XAF1: variants seen among roughly 807,000 people sequenced by gnomAD.
The protein encoded by XAF1 is XIAP-associated factor 1.
XAF1 carries 32 observed loss-of-function variants against 32.3 expected under a neutral mutation model. That is an observed-to-expected ratio of 0.99 (90% CI 0.75 to 1.33). The LOEUF is 1.33. Among genes scored for constraint, XAF1 ranks in the 40% most tolerant of loss-of-function variants. The pLI is 0.00. For missense variants in XAF1, 379 were observed against 366.0 expected (o/e 1.04, Z -0.29); for synonymous variants, 120 against 125.9 (o/e 0.95, Z 0.31).
chr17:6,773,348 G>A lies in XAF1; in HGVS notation c.*179G>A. 1.9e-6 allele frequency: 1 copy of A among 518,246 alleles called. No homozygotes were observed. 32.1% of individuals were successfully genotyped at this position (518,246 alleles called of 1,614,324 possible). A position where few individuals can be genotyped will look rare whatever the true frequency, so the allele number is the denominator to read the frequency against. ...GTATCATCTCAATAGATACAGAAAA[G>A]GCTTTTGATAAAATTCAACTTGACT... On this transcript the variant is annotated 3_prime_UTR_variant, in exon 7 of 7. Coordinates refer to ENST00000361842, the MANE Select transcript of XAF1 (RefSeq NM_017523.5).
intron 5 of XAF1, among the ~76,000 whole-genome samples, chr17:6,769,543 C>A (rs1477150725): frequency 6.6e-6 from 1 of 151,986 alleles, no homozygotes; most frequent in Non-Finnish European, 1.5e-5. Flanking sequence ...GTTGCATTAC[C>A]TGAACTTCTT....
intron 1 of XAF1, among the ~76,000 whole-genome samples, chr17:6,757,163 G>A (rs1005920139): frequency 7.9e-5 from 12 of 152,004 alleles, no homozygotes; most frequent in African/African-American, 2.4e-4. Context: ...CGCCATGCCC[G>A]GCTAATTTTG....
rs1320017711 is a variant in XAF1 at position 6,760,431 on chromosome 17, TTGAG to T, written c.254_257del (p.Glu85ValfsTer74). 3.1e-6 allele frequency: 5 copies of T among 1,611,940 alleles called. No homozygotes were observed. In the African/African-American group the frequency reaches 6.7e-5, roughly 22 times the overall value. ...GCCAATGAGTGCCAGGAGCGCCCTG[TTGAG>T]TGTAAGTTCTGCAAACTGGACATGC... On this transcript the variant is annotated frameshift_variant, in exon 4 of 7. Transcript: ENST00000361842. LOFTEE classifies it high-confidence loss of function.
At chr17:6,756,955 G>A (rs1974726384) in intron 1 of XAF1, among the ~76,000 whole-genome samples, 1 of 151,676 alleles carries the variant, frequency 6.6e-6, no homozygotes, top group Non-Finnish European at 1.5e-5. Flanking sequence ...AGCAAGAGCT[G>A]ATGGAAATGA....
intron 5 of XAF1, among the ~76,000 whole-genome samples, chr17:6,766,894 T>C (rs1975662512): frequency 6.6e-6 from 1 of 152,170 alleles, no homozygotes; most frequent in African/African-American, 2.4e-5. Context: ...TCTTCCACTC[T>C]CTCCACGGTT....
In XAF1 at chr17:6,757,759, A is replaced by C. The variant is rs191397657; in HGVS notation, c.33-330A>C. Reference sequence around the variant, plus strand: ...GTTTTGGCCTAAGTTATATACATCCATGAAACACCATCCCCGTAATTGAGA... The same window carrying C: ...GTTTTGGCCTAAGTTATATACATCCCTGAAACACCATCCCCGTAATTGAGA... On this transcript the variant is annotated intron_variant, in intron 1 of 6. Coordinates refer to ENST00000361842, the MANE Select transcript of XAF1 (RefSeq NM_017523.5). 3.1e-4 allele frequency among the ~76,000 whole-genome samples: 44 copies of C among 141,868 alleles called. No individual in the cohort carries two copies. The East Asian group carries it at 8.4e-3, about 27-fold the overall frequency. 93.1% of individuals were successfully genotyped at this position (141,868 alleles called of 152,430 possible). A position where few individuals can be genotyped will look rare whatever the true frequency, so the allele number is the denominator to read the frequency against.
At chr17:6,765,032 TG>T (rs1384703484) in intron 5 of XAF1, among the ~76,000 whole-genome samples, 4 of 152,192 alleles carry the variant, frequency 2.6e-5, no homozygotes, top group Non-Finnish European at 5.9e-5. Context: ...CTCTTAATTT[TG>T]GGGGGCCCCA....
chr17:6,761,626 G>C (rs1053014072), intron 4 of XAF1: 1 of 317,514 alleles, frequency 3.1e-6, no homozygotes, highest in Non-Finnish European at 5.8e-6. Context: ...CTGGCCAATG[G>C]AAACCTGGAA....
chr17:6,758,025 C>T (rs1227720690), intron 1 of XAF1, 64 bp from the exon 2 acceptor site: 1 of 1,606,576 alleles, frequency 6.2e-7, no homozygotes, highest in East Asian at 2.2e-5. Flanking sequence ...GTATGAAATA[C>T]AGCTCCATGT....
chr17:6,759,121 A>T lies in XAF1; in HGVS notation c.169-541A>T, dbSNP rs971176812. On this transcript the variant is annotated intron_variant, in intron 2 of 6. Coordinates refer to ENST00000361842, the MANE Select transcript of XAF1 (RefSeq NM_017523.5). Reference sequence around the variant, plus strand: ...GGCAAGGGTCCAGTCCCCCAGGCAGAGACTCACTTGAGGGCCATGGGAAGT... The same window carrying T: ...GGCAAGGGTCCAGTCCCCCAGGCAGTGACTCACTTGAGGGCCATGGGAAGT... 8 of 1,015,388 alleles carry T rather than the reference A, an allele frequency of 7.9e-6. No individual in the cohort carries two copies. The African/African-American group carries it at 1.4e-4, about 18-fold the overall frequency. 62.9% of individuals were successfully genotyped at this position (1,015,388 alleles called of 1,614,324 possible).
chr17:6,756,298 C>A, intron 1 of XAF1, 188 bp downstream of exon 1: 5 of 1,377,362 alleles, frequency 3.6e-6, no homozygotes, highest in South Asian at 1.5e-5. Context: ...TGGGGGTGGG[C>A]AGCATTACCT....
At chr17:6,767,720 A>C (rs1157305711) in intron 5 of XAF1, among the ~76,000 whole-genome samples, 1 of 146,680 alleles carries the variant, frequency 6.8e-6, no homozygotes, top group African/African-American at 2.7e-5. Flanking sequence ...TGCATTTACC[A>C]CTCTTGTTCA....
chr17:6,755,708 A>C, upstream of XAF1: 2 of 1,060,414 alleles, frequency 1.9e-6, 1 homozygote, highest in South Asian at 6.7e-5. Context: ...ATGGGGGAGA[A>C]GGGTGGGAGG....
chr17:6,769,668 G>A (rs1478375028), intron 5 of XAF1, among the ~76,000 whole-genome samples: 1 of 152,104 alleles, frequency 6.6e-6, no homozygotes, highest in East Asian at 1.9e-4. Context: ...TACCTATGAG[G>A]ATCCTCTATG....
At chr17:6,755,698 A>G (rs1974606451), upstream of XAF1, 1 of 1,051,340 alleles carries the variant, frequency 9.5e-7, no homozygotes, top group African/African-American at 1.6e-5. Context: ...GGAGCCGGAG[A>G]TGGGGGAGAA....
chr17:6,765,690 T>TAAGAG, intron 5 of XAF1, among the ~76,000 whole-genome samples: 1 of 152,198 alleles, frequency 6.6e-6, no homozygotes, highest in Non-Finnish European at 1.5e-5. Flanking sequence ...TCGACTTCTC[T>TAAGAG]TTCCCTCCGC....
chr17:6,759,626 T>G, intron 2 of XAF1, 36 bp from the exon 3 acceptor site: 1 of 1,599,908 alleles, frequency 6.3e-7, no homozygotes, highest in Non-Finnish European at 8.5e-7. Context: ...TGGACCCACA[T>G]CTGGTGTGTG....
chr17:6,762,597 T>A (rs1320136451), intron 5 of XAF1, among the ~76,000 whole-genome samples: 1 of 152,232 alleles, frequency 6.6e-6, no homozygotes, highest in Non-Finnish European at 1.5e-5. Context: ...TCTATTAGAC[T>A]GTGAGCTTCC....
intron 2 of XAF1, chr17:6,759,181 A>T (rs1447583620): frequency 2.9e-6 from 3 of 1,023,310 alleles, no homozygotes; most frequent in Non-Finnish European, 3.5e-6. Context: ...CATGGAAAGG[A>T]AATGTTAATC....
Sources: allele counts gnomAD v4.1 joint callset (sites outside exome capture counted in the v4.1 genomes callset), GRCh38; gene constraint gnomAD v4.1.1; transcripts MANE v1.5; gene names NCBI Gene and HGNC (gene_info 2026-07-23, HGNC 2026-07-21).